The following IQSEC2 variants were observed in gnomAD, a reference collection of about 807,000 sequenced individuals.
The protein encoded by IQSEC2 is IQ motif and SEC7 domain-containing protein 2.
A neutral mutation model predicts 74.6 loss-of-function variants in IQSEC2; 6 were observed. The observed-to-expected ratio is 0.08, with a 90% CI of 0.04 to 0.16. The LOEUF (loss-of-function observed/expected upper bound fraction) is 0.16. IQSEC2 is among the 10% of genes least tolerant of loss of function. IQSEC2 has a pLI of 1.00. For synonymous variants in IQSEC2, 494 were observed against 544.5 expected, an observed-to-expected ratio of 0.91 and a Z score of 1.29; for missense variants, 734 against 1,306.2, an observed-to-expected ratio of 0.56 and a Z score of 6.75.
At chrX:53,248,304 C>A in intron 6 of IQSEC2, 68 bp from the exon 7 acceptor site, 1 of 1,164,887 alleles carries the variant, frequency 8.6e-7, no homozygotes, top group Non-Finnish European at 1.2e-6. Flanking sequence ...CCACCTGGAC[C>A]TGCTCAAATG....
chrX:53,283,954 G>T lies in IQSEC2; in HGVS notation c.737+7941C>A, dbSNP rs1602341033. Among the ~76,000 whole-genome samples the T allele has an allele frequency of 5.4e-5, 6 of 111,901 alleles. 1 individual carries two copies. The Admixed American group carries it at 5.7e-4, about 11-fold the overall frequency. On this transcript the variant is annotated intron_variant, in intron 2 of 14. Transcript: ENST00000642864. ...CAACCTGGACAAAGGACCTGAGGTG[G>T]TATTTCCAGCAAGCACGAAGAGACT...
chrX:53,320,710 G>A lies in IQSEC2; in HGVS notation c.414C>T (p.Ser138=). The change falls in exon 1 of 15, where the codon TCC becomes TCT. Residue 138 remains serine (S), a synonymous_variant. Transcript: ENST00000642864. ...AACCGGTAGTGTCCTGGAGCGGGTA[G>A]GAGGCGTCCCGCTCCTTGTCCCGAT... ...AVYRDKERDA[S]YPLQDTTGYT... is the part of the protein sequence containing the mutation. 8.6e-7 allele frequency: 1 copy of A among 1,167,476 alleles called. No homozygotes were observed. The highest frequency in any genetic ancestry group is 1.1e-6 in the Non-Finnish European group (1 of 872,872).
intron 2 of IQSEC2, among the ~76,000 whole-genome samples, chrX:53,280,339 T>C (rs1240904669): frequency 5.6e-5 from 6 of 107,625 alleles, no homozygotes; most frequent in Non-Finnish European, 1.2e-4. Context: ...AGGGGAACAC[T>C]GAAGGAAGAG....
At chrX:53,239,922 C>T (rs1488755020) in intron 10 of IQSEC2, among the ~76,000 whole-genome samples, 5 of 111,894 alleles carry the variant, frequency 4.5e-5, no homozygotes, top group Admixed American at 9.5e-5. Context: ...GGCACAATGA[C>T]GCAAAGCACT....
chrX:53,266,903 G>A (rs2074668333), intron 2 of IQSEC2: 1 of 456,709 alleles, frequency 2.2e-6, no homozygotes, highest in African/African-American at 3.0e-5. Context: ...GGGTGGGTGG[G>A]GGGAAGGAGG....
chrX:53,248,382 A>G (rs1308212159), intron 6 of IQSEC2, 146 bp from the exon 7 acceptor site: 2 of 760,990 alleles, frequency 2.6e-6, no homozygotes, highest in African/African-American at 2.1e-5. Context: ...ACATGAGGAC[A>G]GAATGTTTGA....
chrX:53,301,214 C>A (rs1303815928), intron 1 of IQSEC2, among the ~76,000 whole-genome samples: 6 of 112,273 alleles, frequency 5.3e-5, no homozygotes, highest in African/African-American at 9.7e-5. Context: ...TCCACCAGGG[C>A]TTGCTGGGAA....
At chrX:53,287,978 G>GCTCC (rs1569326083) in intron 2 of IQSEC2, among the ~76,000 whole-genome samples, 3 of 111,109 alleles carry the variant, frequency 2.7e-5, no homozygotes, top group African/African-American at 9.8e-5. Context: ...CCATCATCAC[G>GCTCC]CTCCCATTTG....
intron 1 of IQSEC2, among the ~76,000 whole-genome samples, chrX:53,303,039 C>T (rs1381277847): frequency 9.1e-6 from 1 of 110,472 alleles, no homozygotes; most frequent in Admixed American, 9.6e-5. Flanking sequence ...CCTGTCCCTA[C>T]AAACAACCAA....
chrX:53,236,267 AG>A, intron 13 of IQSEC2, 54 bp downstream of exon 13: 1 of 1,141,826 alleles, frequency 8.8e-7, no homozygotes, highest in Non-Finnish European at 1.2e-6. Context: ...CAGGAGGCAA[AG>A]AGGACACCCG....
At chrX:53,309,348 G>A (rs781817562) in intron 1 of IQSEC2, among the ~76,000 whole-genome samples, 1 of 112,107 alleles carries the variant, frequency 8.9e-6, no homozygotes, top group African/African-American at 3.2e-5. Flanking sequence ...TTTACTACAT[G>A]AGTCCTTATG....
At position 53,321,112 on chromosome X, in the gene IQSEC2, C is replaced by A; in HGVS notation, c.12G>T (p.Gly4=). 2 of 1,138,543 alleles carry A rather than the reference C, an allele frequency of 1.8e-6. No individual in the cohort carries two copies. Among genetic ancestry groups the A allele is most frequent in the Non-Finnish European group, 2.3e-6 (2 of 858,335 alleles). The allele number at this position is 1,138,543 out of a possible 1,213,427, so 93.8% of individuals were successfully genotyped here. MEA[G]SGPPGGPGSE... is the part of the protein sequence containing the mutation. The stretch of plus-strand genomic sequence containing the variant: ...ATCCCGGGCCGCCCGGGGGCCCCGA[C>A]CCCGCCTCCATCCTGGCGGCCCAGG... Residue 4 remains glycine (G), a synonymous_variant, in exon 1 of 15, where the codon GGG becomes GGT. Coordinates refer to ENST00000642864, the MANE Select transcript of IQSEC2 (RefSeq NM_001111125.3).
chrX:53,279,980 C>T (rs782154580), intron 2 of IQSEC2, among the ~76,000 whole-genome samples: 83 of 104,983 alleles, frequency 7.9e-4, no homozygotes, highest in Non-Finnish European at 1.4e-3. Flanking sequence ...AAAAAAACCA[C>T]AAAGTCAAGA....
At chrX:53,301,572 T>G (rs1422978322) in intron 1 of IQSEC2, among the ~76,000 whole-genome samples, 2 of 112,251 alleles carry the variant, frequency 1.8e-5, no homozygotes. Flanking sequence ...ATGGTCTTAT[T>G]ACCCAGGTCC....
chrX:53,278,111 A>C (rs1430504989), intron 2 of IQSEC2, among the ~76,000 whole-genome samples: 2 of 98,232 alleles, frequency 2.0e-5, no homozygotes, highest in African/African-American at 7.9e-5. Context: ...CCCGGGTTCA[A>C]GCCCTTCTCC....
intron 2 of IQSEC2, among the ~76,000 whole-genome samples, chrX:53,277,162 C>G (rs1022449110): frequency 9.0e-6 from 1 of 110,880 alleles, no homozygotes; most frequent in Non-Finnish European, 1.9e-5. Flanking sequence ...CCAGAACTTC[C>G]AGAATACCAA....
intron 14 of IQSEC2, 83 bp from the exon 15 acceptor site, chrX:53,235,267 TG>T: frequency 9.0e-7 from 1 of 1,115,045 alleles, no homozygotes; most frequent in Non-Finnish European, 1.2e-6. Context: ...CCCTGAGGGC[TG>T]GAGCTGGGGA....
intron 2 of IQSEC2, among the ~76,000 whole-genome samples, chrX:53,263,565 A>G (rs1389882646): frequency 9.0e-6 from 1 of 110,601 alleles, no homozygotes; most frequent in Non-Finnish European, 1.9e-5. Flanking sequence ...GCTGATCCAC[A>G]TAACCAAGCC....
intron 8 of IQSEC2, among the ~76,000 whole-genome samples, chrX:53,244,596 T>C (rs1413071459): frequency 9.2e-6 from 1 of 108,805 alleles, no homozygotes; most frequent in East Asian, 2.8e-4. Context: ...ATTTTAACAA[T>C]AGAGGATAGT....
Sources: gnomAD v4.1 joint callset for allele counts (sites outside exome capture counted in the v4.1 genomes callset) on GRCh38, gnomAD v4.1.1 for gene constraint, MANE v1.5 for transcripts, NCBI Gene and HGNC (gene_info 2026-07-23, HGNC 2026-07-21) for gene names.